Variants in THOP1 observed in about 807,000 individuals in gnomAD.
THOP1 encodes thimet oligopeptidase 1.
Under a neutral mutation model 71.8 loss-of-function variants are expected in THOP1, and 49 were observed. The observed-to-expected ratio is 0.68, with a 90% CI of 0.54 to 0.87. THOP1 has a LOEUF of 0.87. THOP1 is among the 40% of genes least tolerant of loss of function. THOP1 has a pLI of 0.00. For missense variants in THOP1, 843 were observed against 975.6 expected (o/e 0.86, Z 1.81); for synonymous variants, 426 against 421.5 (o/e 1.01, Z -0.13).
At chr19:2,809,264 C>T (rs1286748217) in intron 9 of THOP1, among the ~76,000 whole-genome samples, 1 of 151,708 alleles carries the variant, frequency 6.6e-6, no homozygotes, top group Non-Finnish European at 1.5e-5. Flanking sequence ...CTGTCACCCA[C>T]ACCTGAGCAC....
Position 2,806,007 on chromosome 19 carries a change from G to A in THOP1, c.750+831G>A, listed in dbSNP as rs552042139. The A allele has an allele frequency of 2.8e-4, 38 of 133,474 alleles. 1 individual carries two copies. The highest frequency in any genetic ancestry group is 1.0e-3 in the African/African-American group (36 of 35,726). The allele number at this position is 133,474 out of a possible 1,614,324, so 8.3% of individuals were successfully genotyped here. On this transcript the variant is annotated intron_variant, in intron 6 of 12. Transcript: ENST00000307741. ...ACTGCGGGGGGTGGGGGACGGGTGG[G>A]TACCAATGGGGGTACAGGTGGGCAC...
chr19:2,790,395 C>T (rs773568025), intron 1 of THOP1, 26 bp from the exon 2 acceptor site: 2 of 1,504,884 alleles, frequency 1.3e-6, no homozygotes, highest in Non-Finnish European at 8.9e-7. Context: ...CAGACCCGCC[C>T]GGCACTGGGT....
chr19:2,802,589 A>G (rs1419275299), intron 5 of THOP1, among the ~76,000 whole-genome samples: 1 of 150,848 alleles, frequency 6.6e-6, no homozygotes, highest in Admixed American at 6.6e-5. Context: ...CGACACCGCC[A>G]CCTCCCGATA....
Position 2,808,306 on chromosome 19 carries a change from G to A in THOP1, c.1317G>A (p.Gly439=). ...GLQPGCLRQD[G]SRQIAIAAMV... ...AGCCCGGCTGCCTGCGGCAGGATGG[G>A]AGCCGCCAGATCGCCATCGCGGCCA... The change falls in exon 9 of 13, where the codon GGG becomes GGA. Residue 439 remains glycine, a synonymous_variant. Coordinates refer to ENST00000307741, the MANE Select transcript of THOP1 (RefSeq NM_003249.5). The A allele has an allele frequency of 1.3e-6, 2 of 1,577,934 alleles. No homozygotes were observed. The highest frequency in any genetic ancestry group is 1.7e-4 in the Middle Eastern group (1 of 6,020).
chr19:2,795,868 A>C (rs1033186288), intron 3 of THOP1: 1 of 482,842 alleles, frequency 2.1e-6, no homozygotes, highest in African/African-American at 2.0e-5. Flanking sequence ...GGAGCTCTGG[A>C]CTGATGTCAG....
In THOP1 at chr19:2,806,476, G is replaced by A. The variant is rs934715720; in HGVS notation, c.751-441G>A. The A allele has an allele frequency of 3.8e-5, 8 of 209,758 alleles. No homozygotes were observed. The South Asian group carries it at 4.2e-4, about 11-fold the overall frequency. 13.0% of individuals were successfully genotyped at this position (209,758 alleles called of 1,614,324 possible). ...CTGTTTCTCCTCGTAAACGCCTCAC[G>A]TGGCTTTCATGCGTCCTCCCCCACC... On this transcript the variant is annotated intron_variant, in intron 6 of 12. Transcript: ENST00000307741.
chr19:2,812,468 C>A, intron 12 of THOP1: 1 of 1,351,458 alleles, frequency 7.4e-7, no homozygotes, highest in East Asian at 2.8e-5. Context: ...AGCCCCCTGT[C>A]TTCACAGCCC....
chr19:2,807,526 G>T lies in THOP1; in HGVS notation c.971G>T (p.Arg324Leu). 6.2e-7 allele frequency: 1 copy of T among 1,612,140 alleles called. No homozygotes were observed. Among genetic ancestry groups the T allele is most frequent in the Non-Finnish European group, 8.5e-7 (1 of 1,179,796 alleles). ...LELKRAECER[R>L]GLPFDGRIRA... ...CTGAAGCGTGCGGAGTGCGAGCGCC[G>T]GGGCCTGCCCTTCGACGGCCGCATC... Residue 324 changes from arginine to leucine, a missense_variant, in exon 8 of 13, where the codon CGG becomes CTG. Coordinates refer to ENST00000307741, the MANE Select transcript of THOP1 (RefSeq NM_003249.5).
In THOP1 at chr19:2,801,347, C is replaced by T. The variant is rs903089596; in HGVS notation, c.589+1556C>T. Among the ~76,000 whole-genome samples the T allele has an allele frequency of 4.6e-5, 7 of 152,200 alleles. No homozygotes were observed. The highest frequency in any genetic ancestry group is 8.8e-5 in the Non-Finnish European group (6 of 68,042). ...CGTTTCAGCTGCCTGTTTCTTTTCA[C>T]GTTTGCCATCCTGCAAACTCGAATG... On this transcript the variant is annotated intron_variant, in intron 5 of 12. Transcript: ENST00000307741. This position sits in a 1 kb window ranked among gnomAD's most constrained non-coding sequence, Gnocchi z 5.1.
chr19:2,795,388 C>T (rs993487359), intron 3 of THOP1, among the ~76,000 whole-genome samples: 6 of 152,264 alleles, frequency 3.9e-5, no homozygotes, highest in East Asian at 1.9e-4. Flanking sequence ...GGATGCTCCT[C>T]GCAGTATGCA....
intron 6 of THOP1, chr19:2,806,685 G>A (rs564901532): frequency 4.2e-5 from 26 of 620,976 alleles, no homozygotes; most frequent in African/African-American, 3.2e-4. Context: ...ACCACGTTCC[G>A]TGTGAGGCCT....
chr19:2,810,568 G>A, intron 10 of THOP1, 72 bp from the exon 11 acceptor site: 3 of 1,525,580 alleles, frequency 2.0e-6, no homozygotes, highest in African/African-American at 1.4e-5. Context: ...TGCCCCGGGT[G>A]GGGGTCGGAG....
rs538221287 is a variant in THOP1 at position 2,804,616 on chromosome 19, G to A, written c.590-400G>A. 1.1e-4 allele frequency: 19 copies of A among 168,900 alleles called. No homozygotes were observed. Among genetic ancestry groups the A allele is most frequent in the Non-Finnish European group, 1.9e-4 (15 of 79,638 alleles). 10.5% of individuals were successfully genotyped at this position (168,900 alleles called of 1,614,324 possible). A position where few individuals can be genotyped will look rare whatever the true frequency, so the allele number is the denominator to read the frequency against. ...ACGCTGGTTTCCTTGTGCAGTGGCC[G>A]GGCCACCCTTCCCGCCACCCTCCTC... On this transcript the variant is annotated intron_variant, in intron 5 of 12. Coordinates refer to ENST00000307741, the MANE Select transcript of THOP1 (RefSeq NM_003249.5). This position sits in a 1 kb window ranked among gnomAD's most constrained non-coding sequence, Gnocchi z 4.7.
Position 2,801,426 on chromosome 19 carries a change from G to A in THOP1, c.589+1635G>A, listed in dbSNP as rs559306687. On this transcript the variant is annotated intron_variant, in intron 5 of 12. Coordinates refer to ENST00000307741, the MANE Select transcript of THOP1 (RefSeq NM_003249.5). This position sits in a 1 kb window ranked among gnomAD's most constrained non-coding sequence, Gnocchi z 5.1. ...GGGTGCCGTTCCATTTGTCGGGCCT[G>A]AGGGGTCTCCCGTGCAGGTGGCTTG... 2.2e-4 allele frequency among the ~76,000 whole-genome samples: 34 copies of A among 152,286 alleles called. 1 individual carries two copies. Among genetic ancestry groups the A allele is most frequent in the African/African-American group, 7.9e-4 (33 of 41,566 alleles).
intron 6 of THOP1, chr19:2,806,300 T>G (rs540274876): frequency 6.5e-6 from 1 of 152,956 alleles, no homozygotes; most frequent in African/African-American, 2.4e-5. Flanking sequence ...GTGGGCTGAG[T>G]TCCAGGTCCC....
intron 5 of THOP1, 53 bp downstream of exon 5, chr19:2,799,844 A>G (rs1378702381): frequency 9.4e-6 from 14 of 1,493,936 alleles, no homozygotes; most frequent in African/African-American, 5.5e-5. Flanking sequence ...GACTCAGTGC[A>G]GGCCTGCCAG....
intron 2 of THOP1, 70 bp downstream of exon 2, chr19:2,790,703 C>G (rs1427985952): frequency 7.2e-7 from 1 of 1,392,316 alleles, no homozygotes; most frequent in South Asian, 1.5e-5. Flanking sequence ...GCGGGAGTAG[C>G]CCAGCCCGTG....
At chr19:2,800,764 G>T (rs977427792) in intron 5 of THOP1, among the ~76,000 whole-genome samples, 1 of 152,068 alleles carries the variant, frequency 6.6e-6, no homozygotes, top group African/African-American at 2.4e-5. Context: ...GCTACAATCT[G>T]CCGTAAAGCA....
intron 9 of THOP1, 64 bp downstream of exon 9, chr19:2,808,508 A>T (rs1916374043): frequency 6.7e-7 from 1 of 1,493,194 alleles, no homozygotes; most frequent in African/African-American, 1.4e-5. Context: ...GTGGTCAGCG[A>T]GGCCCAAGCC....
Sources: allele counts gnomAD v4.1 joint callset (sites outside exome capture counted in the v4.1 genomes callset), GRCh38; gene constraint gnomAD v4.1.1; non-coding constraint Gnocchi (gnomAD v3.1); transcripts MANE v1.5; gene names NCBI Gene and HGNC (gene_info 2026-07-23, HGNC 2026-07-21).